The following CWH43 variants were observed in gnomAD, a reference collection of about 807,000 sequenced individuals.
CWH43 encodes cell wall biogenesis 43 C-terminal homolog.
A neutral mutation model predicts 85.7 loss-of-function variants in CWH43; 91 were observed. The observed-to-expected ratio is 1.06, with a 90% CI of 0.90 to 1.26. The LOEUF (loss-of-function observed/expected upper bound fraction) is 1.26. CWH43 is among the 50% of genes most tolerant of loss of function. CWH43 has a pLI of 0.00. For missense variants in CWH43, 869 were observed against 839.2 expected, an observed-to-expected ratio of 1.04 and a Z score of -0.44; for synonymous variants, 323 against 293.6, an observed-to-expected ratio of 1.10 and a Z score of -1.02.
intron 6 of CWH43, among the ~76,000 whole-genome samples, chr4:49,000,703 T>C (rs998828876): frequency 6.6e-6 from 1 of 152,206 alleles, no homozygotes; most frequent in African/African-American, 2.4e-5. Flanking sequence ...AGAAATAGAC[T>C]GTTAGTTAAA....
chr4:49,048,055 C>G (rs183596525), intron 14 of CWH43, among the ~76,000 whole-genome samples: 2 of 152,302 alleles, frequency 1.3e-5, no homozygotes, highest in Admixed American at 1.3e-4. Context: ...AGATTGAAAA[C>G]ACTGTTTCTG....
chr4:49,041,721 G>T (rs1784468429), intron 13 of CWH43, among the ~76,000 whole-genome samples: 1 of 152,182 alleles, frequency 6.6e-6, no homozygotes, highest in Non-Finnish European at 1.5e-5. Flanking sequence ...GTTCTACCTT[G>T]TGGTTCCATT....
intron 8 of CWH43, among the ~76,000 whole-genome samples, chr4:49,016,021 T>C (rs1256184859): frequency 6.6e-6 from 1 of 152,190 alleles, no homozygotes; most frequent in East Asian, 1.9e-4. Flanking sequence ...GGGTGTTTTT[T>C]TCTTTGTTTC....
chr4:49,022,683 T>A (rs1391205041), intron 9 of CWH43, among the ~76,000 whole-genome samples: 3 of 151,990 alleles, frequency 2.0e-5, no homozygotes, highest in Admixed American at 6.6e-5. Flanking sequence ...GTTCCTGGAC[T>A]TTTTTTTGTT....
At chr4:49,012,557 G>T (rs539886870) in intron 8 of CWH43, among the ~76,000 whole-genome samples, 22 of 152,246 alleles carry the variant, frequency 1.4e-4, no homozygotes, top group African/African-American at 5.3e-4. Context: ...GAGGCACTCT[G>T]GTTTTTAGAA....
intron 13 of CWH43, among the ~76,000 whole-genome samples, chr4:49,040,519 C>A (rs1159275411): frequency 6.6e-6 from 1 of 152,094 alleles, no homozygotes; most frequent in African/African-American, 2.4e-5. Flanking sequence ...TTTCATGTGT[C>A]TTTTGGCTGC....
intron 15 of CWH43, among the ~76,000 whole-genome samples, chr4:49,056,291 T>C (rs1177443088): frequency 6.6e-6 from 1 of 152,152 alleles, no homozygotes; most frequent in Non-Finnish European, 1.5e-5. Flanking sequence ...AGTGAGGCAA[T>C]TGGGTCTGGG....
At chr4:49,024,293 A>C (rs1416513382) in intron 9 of CWH43, among the ~76,000 whole-genome samples, 1 of 152,192 alleles carries the variant, frequency 6.6e-6, no homozygotes, top group Non-Finnish European at 1.5e-5. Context: ...AATTCTTACC[A>C]GTTCTGCATT....
Position 49,003,722 on chromosome 4 carries a change from C to G in CWH43, c.803-13C>G. 1 of 1,612,956 alleles carries G rather than the reference C, an allele frequency of 6.2e-7. No homozygotes were observed. Among genetic ancestry groups the G allele is most frequent in the South Asian group, 1.1e-5 (1 of 90,934 alleles). On this transcript the variant is annotated splice_polypyrimidine_tract_variant and intron_variant, in intron 6 of 15. Transcript: ENST00000226432. ...CTGCTTTCCTGTCTGATTCTTTTCT[C>G]TCTCACAAACAGGAACAGCTTCAGC...
Position 49,030,824 on chromosome 4 carries a change from G to T in CWH43, c.1373-1G>T. On this transcript the variant is annotated splice_acceptor_variant, in intron 10 of 15. Transcript: ENST00000226432. LOFTEE classifies it high-confidence loss of function. ...TATGCTACTTTTTTTTTTCTGAACAGGTGCAGATTTCATAACAATTTTGGA... is the reference window on the plus strand; with the variant it reads ...TATGCTACTTTTTTTTTTCTGAACATGTGCAGATTTCATAACAATTTTGGA... 1 of 1,564,016 alleles carries T rather than the reference G, an allele frequency of 6.4e-7. No homozygotes were observed. The highest frequency in any genetic ancestry group is 1.2e-5 in the South Asian group (1 of 82,858).
At chr4:48,998,366 T>A in intron 5 of CWH43, 94 bp from the exon 6 acceptor site, 1 of 953,198 alleles carries the variant, frequency 1.0e-6, no homozygotes. Context: ...ATCTCTTATA[T>A]GTACCCAGAG....
At position 49,060,360 on chromosome 4, in the gene CWH43, G is replaced by A. The variant is rs1193602163; in HGVS notation, c.2022-1452G>A. Among the ~76,000 whole-genome samples the A allele has an allele frequency of 5.9e-5, 9 of 152,068 alleles. No homozygotes were observed. In the East Asian group the frequency reaches 9.7e-4, roughly 16 times the overall value. On this transcript the variant is annotated intron_variant, in intron 15 of 15. Transcript: ENST00000226432. The stretch of plus-strand genomic sequence containing the variant: ...AATCTGGGGCTTTTGGGGGTGGCCC[G>A]AAACTGATGCCAGTCTGGAGCCTTG...
At chr4:49,059,124 T>C (rs7655341) in intron 15 of CWH43, among the ~76,000 whole-genome samples, 52,451 of 151,928 alleles carry the variant, frequency 0.35, 10,498 homozygotes, top group East Asian at 0.6. Context: ...TGACCTATAA[T>C]TTCTGTAGGC....
rs756803657 is a variant in CWH43, at chr4:49,044,864, G to T, written c.1865+17G>T. 18 of 1,606,084 alleles carry T rather than the reference G, an allele frequency of 1.1e-5. No individual in the cohort carries two copies. Among genetic ancestry groups the T allele is most frequent in the Admixed American group, 1.7e-5 (1 of 59,568 alleles). On this transcript the variant is annotated intron_variant, in intron 14 of 15. Transcript: ENST00000226432. ...GCTGATCAGGTGAGCACAGGGGTTT[G>T]ATTTTGTTTTTAATCTATTATTAAT...
chr4:49,010,095 C>T (rs1410767634), intron 8 of CWH43, among the ~76,000 whole-genome samples: 2 of 152,082 alleles, frequency 1.3e-5, no homozygotes, highest in Non-Finnish European at 2.9e-5. Context: ...GGCTGTGAAT[C>T]CTTCTGGTCC....
At chr4:48,990,508 C>G (rs1006495709) in intron 2 of CWH43, among the ~76,000 whole-genome samples, 1 of 152,134 alleles carries the variant, frequency 6.6e-6, no homozygotes, top group Admixed American at 6.5e-5. Flanking sequence ...TACATGCCAT[C>G]TCACTTCTGG....
intron 12 of CWH43, among the ~76,000 whole-genome samples, chr4:49,033,846 G>A (rs1560506037): frequency 6.6e-6 from 1 of 152,098 alleles, no homozygotes; most frequent in Non-Finnish European, 1.5e-5. Context: ...TGCAAGCTTT[G>A]CCTGCATTAA....
chr4:49,039,077 TTAAATAAATAAA>T (rs10597102), intron 13 of CWH43, among the ~76,000 whole-genome samples: 2 of 137,662 alleles, frequency 1.5e-5, no homozygotes, highest in African/African-American at 2.7e-5. Context: ...TATAAATAAA[TTAAATAAATAAA>T]TAAATAAATA....
intron 7 of CWH43, among the ~76,000 whole-genome samples, chr4:49,006,855 TC>T (rs1178722359): frequency 6.6e-6 from 1 of 152,150 alleles, no homozygotes; most frequent in Non-Finnish European, 1.5e-5. Context: ...TCTTATTGCA[TC>T]CCTATGGGAG....
Sources: allele counts gnomAD v4.1 joint callset (sites outside exome capture counted in the v4.1 genomes callset), GRCh38; gene constraint gnomAD v4.1.1; transcripts MANE v1.5; gene names NCBI Gene and HGNC (gene_info 2026-07-23, HGNC 2026-07-21).